The following STX7 variants were observed in gnomAD, a reference collection of about 807,000 sequenced individuals.
STX7 encodes syntaxin 7, also known as syntaxin-7.
Under a neutral mutation model 39.6 loss-of-function variants are expected in STX7, and 34 were observed. The observed-to-expected ratio is 0.86, with a 90% CI of 0.65 to 1.14. STX7 has a LOEUF of 1.14. STX7 is among the 50% of genes most tolerant of loss of function. The pLI is 0.00. For missense variants in STX7, 284 were observed against 310.4 expected (o/e 0.92, Z 0.64); for synonymous variants, 119 against 99.1 (o/e 1.20, Z -1.19).
chr6:132,472,440 C>CT (rs1205216460), intron 3 of STX7, 65 bp from the exon 4 acceptor site: 1 of 1,258,042 alleles, frequency 7.9e-7, no homozygotes, highest in Non-Finnish European at 1.1e-6. Flanking sequence ...TCAACTCTGC[C>CT]TTTTGAATCA....
At chr6:132,466,196 T>C (rs1328558181) in intron 8 of STX7, among the ~76,000 whole-genome samples, 1 of 152,188 alleles carries the variant, frequency 6.6e-6, no homozygotes, top group Non-Finnish European at 1.5e-5. Flanking sequence ...CACTGTTAAA[T>C]CCAGTAGTCA....
intron 1 of STX7, among the ~76,000 whole-genome samples, chr6:132,506,988 A>G (rs1400617084): frequency 6.6e-6 from 1 of 152,190 alleles, no homozygotes; most frequent in Non-Finnish European, 1.5e-5. Flanking sequence ...AAAAGACTGA[A>G]GTTATGTCTT....
At chr6:132,488,113 C>A (rs1775186095) in intron 2 of STX7, among the ~76,000 whole-genome samples, 1 of 152,126 alleles carries the variant, frequency 6.6e-6, no homozygotes, top group South Asian at 2.1e-4. Flanking sequence ...GAATATTTTC[C>A]AATTCCTCTT....
intron 2 of STX7, among the ~76,000 whole-genome samples, chr6:132,500,169 G>A (rs1775521146): frequency 6.6e-6 from 1 of 152,080 alleles, no homozygotes; most frequent in South Asian, 2.1e-4. Context: ...TATTTTCTAA[G>A]CAGCAGCCAA....
rs919155753 is a variant in STX7, at chr6:132,454,365, C to T, written c.*6393G>A. 2.0e-5 allele frequency: 3 copies of T among 152,010 alleles called. No individual in the cohort carries two copies. Among genetic ancestry groups the T allele is most frequent in the Non-Finnish European group, 4.4e-5 (3 of 67,966 alleles). 9.4% of individuals were successfully genotyped at this position (152,010 alleles called of 1,614,324 possible). The stretch of plus-strand genomic sequence containing the variant: ...TGCTAGAAAAAGTTCTGTGTGGAAA[C>T]GTTCTCTATCTTAGCTATACCAGTG... On this transcript the variant is annotated 3_prime_UTR_variant, in exon 10 of 10. Coordinates refer to ENST00000367941, the MANE Select transcript of STX7 (RefSeq NM_003569.3).
At chr6:132,466,823 C>T (rs1399342963) in intron 8 of STX7, among the ~76,000 whole-genome samples, 1 of 152,198 alleles carries the variant, frequency 6.6e-6, no homozygotes, top group Non-Finnish European at 1.5e-5. Context: ...TTACAGATTT[C>T]CCCATCTCAG....
At chr6:132,503,775 C>G (rs778075968) in intron 1 of STX7, among the ~76,000 whole-genome samples, 187 bp from the exon 2 acceptor site, 1 of 151,344 alleles carries the variant, frequency 6.6e-6, no homozygotes, top group Admixed American at 6.6e-5. Context: ...CTTCAAAGGA[C>G]AGAGTCATGT....
intron 2 of STX7, among the ~76,000 whole-genome samples, chr6:132,481,330 AG>A (rs869301054): frequency 1.3e-5 from 2 of 151,950 alleles, no homozygotes; most frequent in African/African-American, 2.4e-5. Context: ...CAATCTTTGG[AG>A]GGGGAAAAAA....
At position 132,460,811 on chromosome 6, in the gene STX7, G is replaced by T. The variant is rs1385676566; in HGVS notation, c.733C>A (p.Leu245Ile). The change falls in exon 10 of 10, where the codon CTT (leucine) becomes ATT (isoleucine). Residue 245 changes from leucine to isoleucine, a missense_variant. By Grantham distance (5) the Leu-to-Ile change is conservative (BLOSUM62 2). Coordinates refer to ENST00000367941, the MANE Select transcript of STX7 (RefSeq NM_003569.3). ...RKTLCIIILI[L>I]VIGVAIISLI... The stretch of plus-strand genomic sequence containing the variant: ...CTGATAATCGCAACTCCAATGACAA[G>T]GATAAGAATGATGATGCACAGGGTT... 3.1e-6 allele frequency: 5 copies of T among 1,613,376 alleles called. No homozygotes were observed. Among genetic ancestry groups the T allele is most frequent in the Non-Finnish European group, 4.2e-6 (5 of 1,179,776 alleles).
At chr6:132,498,810 A>T (rs1775482429) in intron 2 of STX7, among the ~76,000 whole-genome samples, 1 of 152,186 alleles carries the variant, frequency 6.6e-6, no homozygotes, top group South Asian at 2.1e-4. Context: ...CACATACTTG[A>T]CAGTAGTTAG....
At chr6:132,488,280 G>A (rs1775190363) in intron 2 of STX7, among the ~76,000 whole-genome samples, 1 of 152,054 alleles carries the variant, frequency 6.6e-6, no homozygotes, top group Non-Finnish European at 1.5e-5. Flanking sequence ...AAAGTTTGTT[G>A]AAACTCTTGA....
At chr6:132,480,834 T>G (rs979942180) in intron 2 of STX7, among the ~76,000 whole-genome samples, 2 of 152,056 alleles carry the variant, frequency 1.3e-5, no homozygotes, top group Non-Finnish European at 2.9e-5. Context: ...AGTTGTAGAG[T>G]GGTAACTTAG....
rs1383897323 is a variant in STX7, at chr6:132,471,545, G to C, written c.305C>G (p.Thr102Arg). The change falls in exon 5 of 10, where the codon ACA (threonine) becomes AGA (arginine). Residue 102 changes from threonine to arginine, a missense_variant. Coordinates refer to ENST00000367941, the MANE Select transcript of STX7 (RefSeq NM_003569.3). ...CTGCCTCTGGACCTTCTGGAAGTTT[G>C]TCAGTGATGTTGTGAACTCTGCCAC... ...RLVAEFTTSL[T>R]NFQKVQRQAA... 1 of 1,614,002 alleles carries C rather than the reference G, an allele frequency of 6.2e-7. No individual in the cohort carries two copies. Among genetic ancestry groups the C allele is most frequent in the Non-Finnish European group, 8.5e-7 (1 of 1,179,910 alleles).
rs1774055801 is a variant in STX7, at chr6:132,448,067, T to G, written c.*12691A>C. 6.6e-6 allele frequency: 1 copy of G among 152,166 alleles called. No individual in the cohort carries two copies. The highest frequency in any genetic ancestry group is 2.4e-5 in the African/African-American group (1 of 41,442). The allele number at this position is 152,166 out of a possible 1,614,324, so 9.4% of individuals were successfully genotyped here. A position where few individuals can be genotyped will look rare whatever the true frequency, so the allele number is the denominator to read the frequency against. ...AAAATTTTCTGTTAAGTACTTAGAT[T>G]AACAACATCTAAAGTCATTCATTAT... On this transcript the variant is annotated 3_prime_UTR_variant, in exon 10 of 10. Transcript: ENST00000367941.
chr6:132,504,052 T>C (rs930372838), intron 1 of STX7, among the ~76,000 whole-genome samples: 2 of 152,160 alleles, frequency 1.3e-5, no homozygotes, highest in African/African-American at 4.8e-5. Flanking sequence ...TCCCCAGAAA[T>C]TTCACTGTAT....
rs6909114 is a variant in STX7 at position 132,509,965 on chromosome 6, C to T, written c.-59+3042G>A. Among the ~76,000 whole-genome samples, 1,340 of 152,264 alleles carry T rather than the reference C, an allele frequency of 8.8e-3. 19 individuals are homozygous for T. Among genetic ancestry groups the T allele is most frequent in the African/African-American group, 0.03 (1,254 of 41,546 alleles). ...ACTTTTGAAAGCCCACTCAGAATTCCTATTTAATTGCTCAGAATAATAATT... is the reference window on the plus strand; with the variant it reads ...ACTTTTGAAAGCCCACTCAGAATTCTTATTTAATTGCTCAGAATAATAATT... On this transcript the variant is annotated intron_variant, in intron 1 of 9. Coordinates refer to ENST00000367941, the MANE Select transcript of STX7 (RefSeq NM_003569.3).
intron 2 of STX7, among the ~76,000 whole-genome samples, chr6:132,501,446 G>A (rs188742284): frequency 6.6e-6 from 1 of 152,158 alleles, no homozygotes; most frequent in African/African-American, 2.4e-5. Flanking sequence ...GGATGTACTC[G>A]CACACTTAGC....
rs550047289 is a variant in STX7 at position 132,502,767 on chromosome 6, C to T, written c.85+679G>A. Among the ~76,000 whole-genome samples the T allele has an allele frequency of 9.2e-5, 14 of 152,082 alleles. No homozygotes were observed. The South Asian group carries it at 1.9e-3, about 20-fold the overall frequency. ...ACAAAAAATTAGCCGGGCGTGGTGG[C>T]GGGCGCCTGTAGTCCCAGCTACTGG... On this transcript the variant is annotated intron_variant, in intron 2 of 9. Coordinates refer to ENST00000367941, the MANE Select transcript of STX7 (RefSeq NM_003569.3).
At chr6:132,500,369 G>A (rs1295563353) in intron 2 of STX7, among the ~76,000 whole-genome samples, 1 of 152,120 alleles carries the variant, frequency 6.6e-6, no homozygotes, top group Admixed American at 6.5e-5. Flanking sequence ...AGCCACACTA[G>A]CTTTTTCCCT....
Sources: gnomAD v4.1 joint callset for allele counts (sites outside exome capture counted in the v4.1 genomes callset) on GRCh38, gnomAD v4.1.1 for gene constraint, MANE v1.5 for transcripts, NCBI Gene and HGNC (gene_info 2026-07-23, HGNC 2026-07-21) for gene names.